The following TMEM132D variants were observed in gnomAD, a reference collection of about 807,000 sequenced individuals.
TMEM132D encodes mature OL transmembrane protein.
Under a neutral mutation model 62.3 loss-of-function variants are expected in TMEM132D, and 21 were observed. That is an observed-to-expected ratio of 0.34 (90% CI 0.24 to 0.49). The LOEUF (loss-of-function observed/expected upper bound fraction) is 0.49. TMEM132D is among the 20% of genes least tolerant of loss of function. The pLI is 0.99. For synonymous variants in TMEM132D, 621 were observed against 575.6 expected (o/e 1.08, Z -1.13); for missense variants, 1,346 against 1,402.8 (o/e 0.96, Z 0.65).
intron 2 of TMEM132D, among the ~76,000 whole-genome samples, chr12:129,592,003 A>G (rs1878202768): frequency 6.6e-6 from 1 of 152,200 alleles, no homozygotes; most frequent in Admixed American, 6.5e-5. Flanking sequence ...TTGAAAACTT[A>G]TCTAGATAAC....
intron 5 of TMEM132D, among the ~76,000 whole-genome samples, chr12:129,089,841 C>T (rs972449066): frequency 2.6e-5 from 4 of 152,202 alleles, no homozygotes; most frequent in East Asian, 1.9e-4. Flanking sequence ...AGGGAAGGGG[C>T]GTAGACCAGA....
intron 2 of TMEM132D, among the ~76,000 whole-genome samples, chr12:129,693,499 C>A (rs1881113040): frequency 6.6e-6 from 1 of 152,178 alleles, no homozygotes; most frequent in South Asian, 2.1e-4. Context: ...CCTTCCAAAG[C>A]ATAGCCTTGG....
intron 4 of TMEM132D, among the ~76,000 whole-genome samples, chr12:129,282,102 C>T (rs1456157923): frequency 6.6e-6 from 1 of 151,770 alleles, no homozygotes; most frequent in African/African-American, 2.4e-5. Flanking sequence ...TCCACTCCTA[C>T]AAAACCCAAC....
In TMEM132D at chr12:129,609,476, C is replaced by T. The variant is rs114617443; in HGVS notation, c.969-78271G>A. Among the ~76,000 whole-genome samples, 560 of 152,198 alleles carry T rather than the reference C, an allele frequency of 3.7e-3. 4 individuals are homozygous for T. The highest frequency in any genetic ancestry group is 0.013 in the African/African-American group (535 of 41,536). On this transcript the variant is annotated intron_variant, in intron 2 of 8. Coordinates refer to ENST00000422113, the MANE Select transcript of TMEM132D (RefSeq NM_133448.3). ...AAAGAGACAAAGGCCTCTTAAAAAG[C>T]GACAGGAAAACTGACAATGACGCAA...
chr12:129,770,692 C>G (rs1870715730), intron 1 of TMEM132D, among the ~76,000 whole-genome samples: 1 of 152,190 alleles, frequency 6.6e-6, no homozygotes, highest in Admixed American at 6.5e-5. Flanking sequence ...GCCTAGCTTG[C>G]CTTACGCAAG....
intron 5 of TMEM132D, among the ~76,000 whole-genome samples, chr12:129,128,077 T>C (rs11609951): frequency 2.0e-5 from 3 of 152,090 alleles, no homozygotes; most frequent in Admixed American, 1.3e-4. Flanking sequence ...ACCGGGACAG[T>C]TGGTCTCCCT....
At chr12:129,230,308 G>GC (rs1555239645) in intron 4 of TMEM132D, among the ~76,000 whole-genome samples, 1 of 91,566 alleles carries the variant, frequency 1.1e-5, no homozygotes, top group African/African-American at 4.3e-5. Context: ...CTGTGTTGGA[G>GC]GGGGGGGGCT....
intron 2 of TMEM132D, among the ~76,000 whole-genome samples, chr12:129,678,396 C>T (rs1239241921): frequency 4.6e-5 from 7 of 152,100 alleles, no homozygotes; most frequent in Non-Finnish European, 7.4e-5. Flanking sequence ...TACCTGATTA[C>T]GAATGGGATG....
intron 4 of TMEM132D, among the ~76,000 whole-genome samples, chr12:129,248,681 G>T (rs371605083): frequency 6.6e-6 from 1 of 152,106 alleles, no homozygotes; most frequent in Non-Finnish European, 1.5e-5. Flanking sequence ...GTATCCATTA[G>T]TTATTTTTCC....
rs1593149946 is a variant in TMEM132D at position 129,757,833 on chromosome 12, C to G, written c.80-57135G>C. Among the ~76,000 whole-genome samples, 3 of 152,296 alleles carry G rather than the reference C, an allele frequency of 2.0e-5. No individual in the cohort carries two copies. The East Asian group carries it at 5.8e-4, about 29-fold the overall frequency. ...GGAAAAAATCCAAAATGTGTCCACC[C>G]AGAACCTTGCTGACCTGCCCCTCAG... On this transcript the variant is annotated intron_variant, in intron 1 of 8. Transcript: ENST00000422113.
chr12:129,251,213 G>C (rs1337528930), intron 4 of TMEM132D, among the ~76,000 whole-genome samples: 1 of 151,968 alleles, frequency 6.6e-6, no homozygotes, highest in Admixed American at 6.6e-5. Context: ...AAAAAAATTA[G>C]CCGGGTGTGG....
intron 2 of TMEM132D, among the ~76,000 whole-genome samples, chr12:129,601,819 TATA>T (rs1473220509): frequency 6.6e-6 from 1 of 152,008 alleles, no homozygotes; most frequent in African/African-American, 2.4e-5. Flanking sequence ...CCATAACAAA[TATA>T]ATAACAATGA....
At chr12:129,099,987 G>A (rs1405907195) in intron 5 of TMEM132D, among the ~76,000 whole-genome samples, 2 of 145,302 alleles carry the variant, frequency 1.4e-5, no homozygotes, top group African/African-American at 2.8e-5. Flanking sequence ...CACTACGCCC[G>A]GCTAATTTTT....
intron 4 of TMEM132D, among the ~76,000 whole-genome samples, chr12:129,311,829 G>A (rs1385954208): frequency 6.6e-6 from 1 of 152,120 alleles, no homozygotes; most frequent in Non-Finnish European, 1.5e-5. Flanking sequence ...GCTTGTTCCA[G>A]GAATACCGAA....
chr12:129,309,008 C>G (rs896866924), intron 4 of TMEM132D, among the ~76,000 whole-genome samples: 1 of 152,088 alleles, frequency 6.6e-6, no homozygotes, highest in African/African-American at 2.4e-5. Context: ...CGCCAAACAC[C>G]CTTGGTCTTC....
At chr12:129,835,440 G>C (rs370728382) in intron 1 of TMEM132D, among the ~76,000 whole-genome samples, 19 of 152,074 alleles carry the variant, frequency 1.2e-4, no homozygotes, top group African/African-American at 4.6e-4. Context: ...ACAAACAAGC[G>C]CCACCAGGTC....
intron 2 of TMEM132D, among the ~76,000 whole-genome samples, chr12:129,585,031 C>T (rs1462097740): frequency 2.0e-5 from 3 of 152,072 alleles, no homozygotes; most frequent in African/African-American, 4.8e-5. Context: ...ACTAGTATCA[C>T]TGAGGTATGG....
At chr12:129,155,359 G>A (rs1216904416) in intron 5 of TMEM132D, among the ~76,000 whole-genome samples, 1 of 152,142 alleles carries the variant, frequency 6.6e-6, no homozygotes. Flanking sequence ...TAACCACAAT[G>A]TTAGTTTTGT....
intron 1 of TMEM132D, among the ~76,000 whole-genome samples, chr12:129,760,368 T>G (rs1351987186): frequency 4.8e-5 from 7 of 147,112 alleles, no homozygotes; most frequent in South Asian, 2.3e-4. Context: ...GTCTCGCTCT[T>G]TTGCCCAGGC....
Sources: gnomAD v4.1 joint callset for allele counts (sites outside exome capture counted in the v4.1 genomes callset) on GRCh38, gnomAD v4.1.1 for gene constraint, MANE v1.5 for transcripts, NCBI Gene and HGNC (gene_info 2026-07-23, HGNC 2026-07-21) for gene names.